The following ABCG1 variants were observed in gnomAD, a reference collection of about 807,000 sequenced individuals.
ABCG1 encodes ATP binding cassette subfamily G member 1.
In ABCG1, 29 loss-of-function variants were observed where a neutral mutation model predicts 69.2. The ratio of observed to expected loss-of-function variants is 0.42; its 90% CI spans 0.31 to 0.57. ABCG1 has a LOEUF of 0.57. Ranked by LOEUF, ABCG1 falls within the 20% of genes least tolerant of loss-of-function variation. The probability of loss-of-function intolerance (pLI) is 0.15; values close to 1 mark genes in which losing one functional copy is unlikely to be tolerated. For missense variants in ABCG1, 718 were observed against 898.1 expected (o/e 0.80, Z 2.56); for synonymous variants, 370 against 374.8 (o/e 0.99, Z 0.15).
chr21:42,222,014 G>A (rs2067736019), intron 1 of ABCG1, among the ~76,000 whole-genome samples: 1 of 152,146 alleles, frequency 6.6e-6, no homozygotes, highest in Non-Finnish European at 1.5e-5. Context: ...ATCCAAACAG[G>A]GTCTCTTTGG....
intron 2 of ABCG1, among the ~76,000 whole-genome samples, chr21:42,258,617 T>A (rs2068350063): frequency 6.9e-6 from 1 of 144,036 alleles, no homozygotes; most frequent in Non-Finnish European, 1.5e-5. Context: ...CATATCTCCA[T>A]CCACTCTATC....
intron 1 of ABCG1, chr21:42,201,574 C>T: frequency 6.6e-6 from 10 of 1,524,268 alleles, no homozygotes; most frequent in Non-Finnish European, 8.9e-6. Context: ...CACTCCACCA[C>T]AGCGCTACAC....
In ABCG1 at chr21:42,208,490, C is replaced by G. The variant is rs545047073; in HGVS notation, c.48+6767C>G. Among the ~76,000 whole-genome samples, 4 of 152,316 alleles carry G rather than the reference C, an allele frequency of 2.6e-5. No individual in the cohort carries two copies. In the East Asian group the frequency reaches 7.7e-4, roughly 29 times the overall value. On this transcript the variant is annotated intron_variant, in intron 2 of 15. Transcript: ENST00000398457. ...TATGTCTATTCCATCTTCCCACAAG[C>G]CTGTCCTATGACCTTGAACAGATTG...
intron 2 of ABCG1, among the ~76,000 whole-genome samples, chr21:42,238,594 A>G (rs116006454): frequency 0.017 from 2,583 of 152,278 alleles, 67 homozygotes; most frequent in African/African-American, 0.058. Flanking sequence ...TCTTTGAACT[A>G]TTTATATTTC....
chr21:42,232,918 C>A (rs548055939), intron 2 of ABCG1, among the ~76,000 whole-genome samples: 2 of 152,274 alleles, frequency 1.3e-5, no homozygotes, highest in African/African-American at 4.8e-5. Context: ...ACAAAGAAAA[C>A]CATGTGGGTC....
chr21:42,253,037 C>T lies in ABCG1; in HGVS notation c.287-18033C>T, dbSNP rs371756062. ...TCCCAGTCTCGGCACGCCTGGATGCCGCATTAGCACACAGGGAGGGTCATG... is the reference window on the plus strand; with the variant it reads ...TCCCAGTCTCGGCACGCCTGGATGCTGCATTAGCACACAGGGAGGGTCATG... On this transcript the variant is annotated intron_variant, in intron 2 of 14. Transcript: ENST00000398449. Among the ~76,000 whole-genome samples, 3 of 152,100 alleles carry T rather than the reference C, an allele frequency of 2.0e-5. No homozygotes were observed. In the South Asian group the frequency reaches 6.2e-4, roughly 32 times the overall value.
In ABCG1 at chr21:42,293,549, CAT is replaced by C. The variant is rs563524315; in HGVS notation, c.1654-991_1654-990del. Among the ~76,000 whole-genome samples the C allele has an allele frequency of 1.4e-3, 198 of 145,508 alleles. 1 individual carries two copies. Among genetic ancestry groups the C allele is most frequent in the Non-Finnish European group, 2.2e-3 (145 of 65,686 alleles). On this transcript the variant is annotated intron_variant, in intron 13 of 14. Transcript: ENST00000398449. ...CATACTACACACCACGCACTACACA[CAT>C]ACCACACTACACACTACACACCACA...
At chr21:42,278,669 G>T (rs368703429) in intron 5 of ABCG1, among the ~76,000 whole-genome samples, 19 of 152,218 alleles carry the variant, frequency 1.2e-4, no homozygotes, top group African/African-American at 4.3e-4. Context: ...GGGAGTTTCT[G>T]TTGTGGAAAC....
chr21:42,223,840 A>T (rs2067770351), intron 1 of ABCG1, among the ~76,000 whole-genome samples: 1 of 152,164 alleles, frequency 6.6e-6, no homozygotes, highest in South Asian at 2.1e-4. Flanking sequence ...TTCACCCTGT[A>T]TTAGTGTGGG....
At chr21:42,201,513 G>T (rs927348849) in intron 1 of ABCG1, 3 of 1,141,126 alleles carry the variant, frequency 2.6e-6, no homozygotes, top group East Asian at 5.7e-5. Flanking sequence ...ACATGACAGG[G>T]TGAGCTACCC....
chr21:42,212,479 A>C (rs780238268), upstream of ABCG1, among the ~76,000 whole-genome samples: 28 of 152,266 alleles, frequency 1.8e-4, no homozygotes, highest in Admixed American at 6.5e-4. Flanking sequence ...GACAGAAATG[A>C]GGAACGTGTT....
chr21:42,247,508 G>A (rs954595233), intron 2 of ABCG1, among the ~76,000 whole-genome samples: 1 of 152,222 alleles, frequency 6.6e-6, no homozygotes, highest in African/African-American at 2.4e-5. Flanking sequence ...AGAGTATGGT[G>A]ATGGGCAGTC....
chr21:42,201,579 C>T, exon 2 of ABCG1: 1 of 1,536,100 alleles, frequency 6.5e-7, no homozygotes, highest in Non-Finnish European at 8.8e-7. Context: ...CACCACAGCG[C>T]TACACCAACC....
chr21:42,276,935 G>A lies in ABCG1; in HGVS notation c.578G>A (p.Arg193Lys). 1 of 1,614,242 alleles carries A rather than the reference G, an allele frequency of 6.2e-7. No individual in the cohort carries two copies. Among genetic ancestry groups the A allele is most frequent in the South Asian group, 1.1e-5 (1 of 91,084 alleles). ...AAGCTTCAGGAGAAGGATGAAGGCA[G>A]AAGGGAAATGGTAAGTGGGTTGTTT... Reference protein sequence around the residue: ...HLKLQEKDEGRREMVKEILTA... With the variant: ...HLKLQEKDEGKREMVKEILTA... The change falls in exon 5 of 15, where the codon AGA becomes AAA. Residue 193 changes from arginine (R) to lysine (K), a missense_variant. Coordinates refer to ENST00000398449, the MANE Select transcript of ABCG1 (RefSeq NM_016818.3). The surrounding 1 kb of genome is among the most constrained non-coding windows in gnomAD (Gnocchi z 5.3).
chr21:42,251,808 C>T (rs1471492190), intron 2 of ABCG1, among the ~76,000 whole-genome samples: 3 of 152,216 alleles, frequency 2.0e-5, no homozygotes, highest in African/African-American at 7.2e-5. Context: ...AGGCAGGCCA[C>T]GCCAGCACTG....
rs988927817 is a variant in ABCG1 at position 42,287,335 on chromosome 21, G to A, written c.974-554G>A. Among the ~76,000 whole-genome samples the A allele has an allele frequency of 6.6e-5, 10 of 152,302 alleles. No homozygotes were observed. Among genetic ancestry groups the A allele is most frequent in the Middle Eastern group, 3.4e-3 (1 of 294 alleles). On this transcript the variant is annotated intron_variant, in intron 8 of 14. Transcript: ENST00000398449. The surrounding 1 kb of genome is among the most constrained non-coding windows in gnomAD (Gnocchi z 6.2). ...TTGGGATGCGAGAGGCAGGAGCAGC[G>A]GGCAGGGCCGGTGCAGGAGACGCTC...
In ABCG1 at chr21:42,273,474, G is replaced by A. The variant is rs225400; in HGVS notation, c.537+39G>A. 17 of 1,594,880 alleles carry A rather than the reference G, an allele frequency of 1.1e-5. No homozygotes were observed. The highest frequency in any genetic ancestry group is 1.7e-4 in the Middle Eastern group (1 of 5,724). On this transcript the variant is annotated intron_variant, in intron 4 of 14. Transcript: ENST00000398449. This position sits in a 1 kb window ranked among gnomAD's most constrained non-coding sequence, Gnocchi z 5.3. ...TGCCCCGCCCCACTCCGCCCCTGCCGCCTGTCCCCAGCGCCCACATTAGAC... is the reference window on the plus strand; with the variant it reads ...TGCCCCGCCCCACTCCGCCCCTGCCACCTGTCCCCAGCGCCCACATTAGAC...
intron 2 of ABCG1, among the ~76,000 whole-genome samples, chr21:42,261,298 C>T (rs1326757099): frequency 2.6e-5 from 4 of 152,074 alleles, no homozygotes; most frequent in African/African-American, 7.2e-5. Flanking sequence ...TTTCAGATAC[C>T]CTGCTGTGCT....
At position 42,282,341 on chromosome 21, in the gene ABCG1, G is replaced by C; in HGVS notation, c.656G>C (p.Gly219Ala). 2 of 1,613,756 alleles carry C rather than the reference G, an allele frequency of 1.2e-6. No homozygotes were observed. The highest frequency in any genetic ancestry group is 1.7e-6 in the Non-Finnish European group (2 of 1,180,032). ...AACACGCGGACCGGGAGCCTGTCAG[G>C]TGGTCAGCGCAAGCGCCTGGCCATC... ...CANTRTGSLS[G>A]GQRKRLAIAL... The change falls in exon 6 of 15, where the codon GGT becomes GCT. Residue 219 changes from glycine (G) to alanine (A), a missense_variant. Physicochemically the swap from Gly to Ala is moderately conservative, Grantham distance 60. Coordinates refer to ENST00000398449, the MANE Select transcript of ABCG1 (RefSeq NM_016818.3).
Sources: allele counts gnomAD v4.1 joint callset (sites outside exome capture counted in the v4.1 genomes callset), GRCh38; gene constraint gnomAD v4.1.1; non-coding constraint Gnocchi (gnomAD v3.1); transcripts MANE v1.5; gene names NCBI Gene and HGNC (gene_info 2026-07-23, HGNC 2026-07-21).